Variants in FDX1 observed in about 807,000 individuals in gnomAD.
FDX1 encodes the protein ferredoxin 1.
Under a neutral mutation model 14.9 loss-of-function variants are expected in FDX1, and 9 were observed. The ratio of observed to expected loss-of-function variants is 0.60; its 90% CI spans 0.36 to 1.05. The LOEUF (loss-of-function observed/expected upper bound fraction) is 1.05. Among genes scored for constraint, FDX1 ranks in the 50% least tolerant of loss-of-function variants. FDX1 has a pLI of 0.01. For synonymous variants in FDX1, 92 were observed against 99.4 expected (o/e 0.93, Z 0.44); for missense variants, 204 against 237.2 (o/e 0.86, Z 0.92).
chr11:110,431,481 G>A (rs1047917390), intron 1 of FDX1, among the ~76,000 whole-genome samples: 5 of 152,124 alleles, frequency 3.3e-5, no homozygotes, highest in Admixed American at 1.3e-4. Context: ...CACTAATCCC[G>A]TTATCTAGTG....
chr11:110,458,542 C>T (rs543410471), intron 3 of FDX1, among the ~76,000 whole-genome samples: 1 of 152,138 alleles, frequency 6.6e-6, no homozygotes, highest in Non-Finnish European at 1.5e-5. Flanking sequence ...GGAAATTCAG[C>T]CTTTTAGTTC....
intron 2 of FDX1, among the ~76,000 whole-genome samples, chr11:110,446,537 CAT>C (rs1467895692): frequency 2.6e-5 from 4 of 152,234 alleles, no homozygotes; most frequent in African/African-American, 9.6e-5. Flanking sequence ...GGAAATCTAA[CAT>C]ATTTAAAACA....
intron 2 of FDX1, among the ~76,000 whole-genome samples, chr11:110,442,609 C>G (rs1380833939): frequency 6.6e-6 from 1 of 152,180 alleles, no homozygotes; most frequent in Non-Finnish European, 1.5e-5. Context: ...TTACCCAATG[C>G]CTGTACCCCC....
chr11:110,439,960 G>A (rs2134678377), intron 2 of FDX1, among the ~76,000 whole-genome samples: 1 of 152,098 alleles, frequency 6.6e-6, no homozygotes, highest in South Asian at 2.1e-4. Flanking sequence ...TATTTTTGTT[G>A]ACTTTGTGAA....
intron 2 of FDX1, among the ~76,000 whole-genome samples, chr11:110,447,684 A>G (rs1205373250): frequency 6.6e-6 from 1 of 152,122 alleles, no homozygotes; most frequent in Admixed American, 6.5e-5. Flanking sequence ...TCTCCCTGAG[A>G]CACATCCCTC....
intron 2 of FDX1, among the ~76,000 whole-genome samples, chr11:110,437,362 A>G (rs987579402): frequency 1.3e-5 from 2 of 152,204 alleles, no homozygotes; most frequent in African/African-American, 2.4e-5. Flanking sequence ...TTGAGTGTAT[A>G]CTATATTCTA....
At chr11:110,438,765 C>T (rs1404337471) in intron 2 of FDX1, among the ~76,000 whole-genome samples, 1 of 152,038 alleles carries the variant, frequency 6.6e-6, no homozygotes, top group Non-Finnish European at 1.5e-5. Flanking sequence ...CCATGCCTGA[C>T]TTCTGCCCGC....
Position 110,453,056 on chromosome 11 carries a change from G to T in FDX1, c.311-3862G>T, listed in dbSNP as rs534679141. On this transcript the variant is annotated intron_variant, in intron 2 of 3. Transcript: ENST00000260270. Reference sequence around the variant, plus strand: ...ACATACATTAAAACTCATAGAACTGGCCAGGTGCGGTGGCTCACGCCTGTA... The same window carrying T: ...ACATACATTAAAACTCATAGAACTGTCCAGGTGCGGTGGCTCACGCCTGTA... Among the ~76,000 whole-genome samples the T allele has an allele frequency of 4.4e-4, 67 of 152,266 alleles. No homozygotes were observed. In the South Asian group the frequency reaches 0.013, roughly 31 times the overall value.
At chr11:110,457,674 ATTAC>A (rs1306977104) in intron 3 of FDX1, among the ~76,000 whole-genome samples, 1 of 152,134 alleles carries the variant, frequency 6.6e-6, no homozygotes, top group African/African-American at 2.4e-5. Context: ...ATGAGGGCAT[ATTAC>A]TTAATTAAGG....
chr11:110,456,794 C>A (rs538065447), intron 2 of FDX1, 124 bp from the exon 3 acceptor site: 20 of 994,482 alleles, frequency 2.0e-5, no homozygotes, highest in Middle Eastern at 3.6e-4. Context: ...CAGGTGTGAG[C>A]CACTGTGCCC....
intron 1 of FDX1, among the ~76,000 whole-genome samples, chr11:110,433,665 A>G (rs947045782): frequency 6.6e-6 from 1 of 152,240 alleles, no homozygotes; most frequent in African/African-American, 2.4e-5. Context: ...ATGTGGGAAT[A>G]CTAGTTTTAA....
intron 2 of FDX1, among the ~76,000 whole-genome samples, chr11:110,451,697 CAAT>C (rs1565383865): frequency 6.6e-6 from 1 of 152,136 alleles, no homozygotes; most frequent in Non-Finnish European, 1.5e-5. Flanking sequence ...AAATGCCAAT[CAAT>C]GATAGGCTGG....
intron 1 of FDX1, among the ~76,000 whole-genome samples, chr11:110,432,145 C>T (rs1946335991): frequency 6.6e-6 from 1 of 152,102 alleles, no homozygotes; most frequent in Non-Finnish European, 1.5e-5. Context: ...AACTGTAGTT[C>T]TGTCTTTGAA....
intron 2 of FDX1, among the ~76,000 whole-genome samples, chr11:110,453,268 G>A (rs566894973): frequency 5.5e-4 from 84 of 152,204 alleles, no homozygotes; most frequent in Middle Eastern, 3.4e-3. Context: ...AACCCGGGAG[G>A]CGGAGGTTGC....
Position 110,457,033 on chromosome 11 carries a change from T to C in FDX1, c.426T>C (p.Tyr142=), listed in dbSNP as rs748537306. 6.8e-6 allele frequency: 11 copies of C among 1,612,206 alleles called. No individual in the cohort carries two copies. The highest frequency in any genetic ancestry group is 1.3e-5 in the African/African-American group (1 of 74,886). The change falls in exon 3 of 4, where the codon TAT becomes TAC. Residue 142 remains tyrosine, a synonymous_variant. Transcript: ENST00000260270. ...AGAATGACATGCTCGATCTGGCATA[T>C]GGACTAACAGACAGGTAAGATTTTT... The part of the protein sequence containing the change: ...DEENDMLDLA[Y]GLTDRSRLGC...
intron 3 of FDX1, among the ~76,000 whole-genome samples, chr11:110,460,334 C>T (rs1946548852): frequency 6.6e-6 from 1 of 152,250 alleles, no homozygotes; most frequent in African/African-American, 2.4e-5. Context: ...CTGATATTCA[C>T]AGCTGCCTGT....
At chr11:110,436,610 G>A (rs1946371796) in intron 2 of FDX1, among the ~76,000 whole-genome samples, 1 of 53,142 alleles carries the variant, frequency 1.9e-5, no homozygotes, top group South Asian at 6.0e-4. Context: ...CAGACTTACT[G>A]AGTCACAAAG....
intron 2 of FDX1, among the ~76,000 whole-genome samples, chr11:110,437,773 A>G (rs1399430456): frequency 2.6e-5 from 4 of 152,194 alleles, no homozygotes; most frequent in Non-Finnish European, 5.9e-5. Context: ...ACCAATAGGT[A>G]GTTTTCCTCC....
chr11:110,460,283 G>A (rs1335823335), intron 3 of FDX1, among the ~76,000 whole-genome samples: 1 of 152,068 alleles, frequency 6.6e-6, no homozygotes, highest in Non-Finnish European at 1.5e-5. Flanking sequence ...AAACTTCCTG[G>A]TGGTTCCTCC....
Sources: allele counts gnomAD v4.1 joint callset (sites outside exome capture counted in the v4.1 genomes callset), GRCh38; gene constraint gnomAD v4.1.1; transcripts MANE v1.5; gene names NCBI Gene and HGNC (gene_info 2026-07-23, HGNC 2026-07-21).